HBZ: variants seen among roughly 807,000 people sequenced by gnomAD.
The protein encoded by HBZ is hemoglobin subunit zeta, also known as hemoglobin zeta chain.
Under a neutral mutation model 5.8 loss-of-function variants are expected in HBZ, and 2 were observed. The observed-to-expected ratio is 0.34, with a 90% CI of 0.14 to 1.09. The LOEUF (loss-of-function observed/expected upper bound fraction) is 1.09. HBZ is among the 50% of genes least tolerant of loss of function. The pLI is 0.42. For synonymous variants in HBZ, 39 were observed against 47.4 expected, an observed-to-expected ratio of 0.82 and a Z score of 0.73; for missense variants, 47 against 97.8, an observed-to-expected ratio of 0.48 and a Z score of 2.19.
Position 152,694 on chromosome 16 carries a change from T to C in HBZ, c.-216T>C, listed in dbSNP as rs915364934. The C allele has an allele frequency of 1.3e-6, 1 of 778,408 alleles. No homozygotes were observed. The highest frequency in any genetic ancestry group is 2.0e-6 in the Non-Finnish European group (1 of 506,656). The allele number at this position is 778,408 out of a possible 1,614,324, so 48.2% of individuals were successfully genotyped here. A position where few individuals can be genotyped will look rare whatever the true frequency, so the allele number is the denominator to read the frequency against. On this transcript the variant is annotated 5_prime_UTR_variant, in exon 1 of 3. Transcript: ENST00000252951. ...GGCCACAGGAGAGGAACAGGAGTGA[T>C]AGCCCCCAAACCCCAGTCCCACCAG...
In HBZ at chr16:154,317, G is replaced by C. The variant is rs1421676987; in HGVS notation, c.346G>C (p.Ala116Pro). ...GGTCACCCTGGCCGCGCGCTTCCCC[G>C]CCGACTTCACGGCCGAGGCCCACGC... The part of the protein sequence containing the change: ...LLVTLAARFP[A>P]DFTAEAHAAW... The change falls in exon 3 of 3, where the codon GCC (alanine) becomes CCC (proline). Residue 116 changes from alanine (A) to proline (P), a missense_variant. Physicochemically the swap from Ala to Pro is conservative, Grantham distance 27. Transcript: ENST00000252951. 5.0e-6 allele frequency: 7 copies of C among 1,398,248 alleles called. No homozygotes were observed. The African/African-American group carries it at 1.1e-4, about 21-fold the overall frequency. 86.6% of individuals were successfully genotyped at this position (1,398,248 alleles called of 1,614,324 possible). A position where few individuals can be genotyped will look rare whatever the true frequency, so the allele number is the denominator to read the frequency against.
intron 1 of HBZ, 128 bp downstream of exon 1, chr16:153,132 G>T (rs1359052569): frequency 1.7e-6 from 1 of 571,484 alleles, no homozygotes; most frequent in Non-Finnish European, 2.9e-6. Flanking sequence ...AGTGGGGAGG[G>T]CACTGTGGGG....
rs763421883 is a variant in HBZ, at chr16:152,995, C to T, written c.86C>T (p.Thr29Ile). The change falls in exon 1 of 3, where the codon ACT becomes ATT. Residue 29 changes from threonine to isoleucine, a missense_variant. Thr to Ile is a moderately conservative substitution (Grantham distance 89). This residue lies in a region of HBZ where 29 missense variants were observed against 39.7 expected (regional missense o/e 0.73). Coordinates refer to ENST00000252951, the MANE Select transcript of HBZ (RefSeq NM_005332.3). ...STQADTIGTE[T>I]LERLFLSHPQ... ...CAGGCCGACACCATCGGCACCGAGA[C>T]TCTGGAGAGGTGAGTGTCAGACGGG... 5 of 1,605,572 alleles carry T rather than the reference C, an allele frequency of 3.1e-6. No homozygotes were observed. Among genetic ancestry groups the T allele is most frequent in the African/African-American group, 1.3e-5 (1 of 74,652 alleles).
rs1901680757 is a variant in HBZ at position 154,475 on chromosome 16, C to G, written c.*75C>G. ...GGAGGTTCCCCAGCCCCACTTACCG[C>G]GTAATGCGCCAATAAACCAATGAAC... On this transcript the variant is annotated 3_prime_UTR_variant, in exon 3 of 3. Coordinates refer to ENST00000252951, the MANE Select transcript of HBZ (RefSeq NM_005332.3). 9.9e-7 allele frequency: 1 copy of G among 1,006,382 alleles called. No homozygotes were observed. Among genetic ancestry groups the G allele is most frequent in the Admixed American group, 2.9e-5 (1 of 34,864 alleles). The allele number at this position is 1,006,382 out of a possible 1,614,324, so 62.3% of individuals were successfully genotyped here.
chr16:153,090 GGACAGTGGGGAGGGGACCATGGAGAGGA>G, intron 1 of HBZ, 86 bp downstream of exon 1: 1 of 721,370 alleles, frequency 1.4e-6, no homozygotes, highest in Non-Finnish European at 2.3e-6. Flanking sequence ...GGTGGGGAGG[GGACAGTGGGGAGGGGACCATGGAGAGGA>G]GACAGTGGGG....
At position 152,909 on chromosome 16, in the gene HBZ, C is replaced by T; in HGVS notation, c.-1C>T. ...CCAGTGCAGCTGCCCACCCTGCCGC[C>T]ATGTCTCTGACCAAGACTGAGAGGA... On this transcript the variant is annotated 5_prime_UTR_variant, in exon 1 of 3. Coordinates refer to ENST00000252951, the MANE Select transcript of HBZ (RefSeq NM_005332.3). 1 of 1,612,596 alleles carries T rather than the reference C, an allele frequency of 6.2e-7. No homozygotes were observed. Among genetic ancestry groups the T allele is most frequent in the East Asian group, 2.2e-5 (1 of 44,874 alleles).
Position 154,499 on chromosome 16 carries a change from A to C in HBZ, c.*99A>C. 4.4e-5 allele frequency: 35 copies of C among 791,354 alleles called. No individual in the cohort carries two copies. Among genetic ancestry groups the C allele is most frequent in the Non-Finnish European group, 5.6e-5 (31 of 553,104 alleles). 49.0% of individuals were successfully genotyped at this position (791,354 alleles called of 1,614,324 possible). On this transcript the variant is annotated 3_prime_UTR_variant, in exon 3 of 3. Transcript: ENST00000252951. ...GCGTAATGCGCCAATAAACCAATGA[A>C]CGAAGCAGCGTCCACCTGGTCTCTG...
chr16:152,696 GC>G lies in HBZ; in HGVS notation c.-209del. The G allele has an allele frequency of 6.3e-6, 5 of 797,318 alleles. No individual in the cohort carries two copies. 49.4% of individuals were successfully genotyped at this position (797,318 alleles called of 1,614,324 possible). A position where few individuals can be genotyped will look rare whatever the true frequency, so the allele number is the denominator to read the frequency against. On this transcript the variant is annotated 5_prime_UTR_variant, in exon 1 of 3. Coordinates refer to ENST00000252951, the MANE Select transcript of HBZ (RefSeq NM_005332.3). ...CCACAGGAGAGGAACAGGAGTGATA[GC>G]CCCCAAACCCCAGTCCCACCAGGCC... is the stretch of plus-strand genomic sequence containing the variant.
Position 152,686 on chromosome 16 carries a change from A to T in HBZ, c.-224A>T. 1.4e-6 allele frequency: 1 copy of T among 724,190 alleles called. No individual in the cohort carries two copies. The highest frequency in any genetic ancestry group is 2.2e-6 in the Non-Finnish European group (1 of 458,378). The allele number at this position is 724,190 out of a possible 1,614,324, so 44.9% of individuals were successfully genotyped here. On this transcript the variant is annotated 5_prime_UTR_variant, in exon 1 of 3. Coordinates refer to ENST00000252951, the MANE Select transcript of HBZ (RefSeq NM_005332.3). ...CCCTGTAAGGCCACAGGAGAGGAAC[A>T]GGAGTGATAGCCCCCAAACCCCAGT...
Position 152,999 on chromosome 16 carries a change from G to A in HBZ, c.90G>A (p.Leu30=). The change falls in exon 1 of 3, where the codon CTG becomes CTA. Residue 30 remains leucine, a synonymous_variant. Transcript: ENST00000252951. The part of the protein sequence containing the change: ...TQADTIGTET[L]ERLFLSHPQT... Reference sequence around the variant, plus strand: ...CCGACACCATCGGCACCGAGACTCTGGAGAGGTGAGTGTCAGACGGGACTG... The same window carrying A: ...CCGACACCATCGGCACCGAGACTCTAGAGAGGTGAGTGTCAGACGGGACTG... 1 of 1,609,164 alleles carries A rather than the reference G, an allele frequency of 6.2e-7. No homozygotes were observed. Among genetic ancestry groups the A allele is most frequent in the Non-Finnish European group, 8.5e-7 (1 of 1,177,946 alleles).
chr16:154,427 G>C lies in HBZ; in HGVS notation c.*27G>C, dbSNP rs1467602307. 7.0e-6 allele frequency: 10 copies of C among 1,437,770 alleles called. No homozygotes were observed. Among genetic ancestry groups the C allele is most frequent in the African/African-American group, 1.5e-5 (1 of 68,802 alleles). 89.1% of individuals were successfully genotyped at this position (1,437,770 alleles called of 1,614,324 possible). On this transcript the variant is annotated 3_prime_UTR_variant, in exon 3 of 3. Coordinates refer to ENST00000252951, the MANE Select transcript of HBZ (RefSeq NM_005332.3). ...CGCCGCCTCCGGGACCCCCAGGACA[G>C]GCTGCGGCCCCTCCCCCGTCCTGGA...
In HBZ at chr16:152,918, G is replaced by A; in HGVS notation, c.9G>A (p.Leu3=). The change falls in exon 1 of 3, where the codon CTG becomes CTA. Residue 3 remains leucine, a synonymous_variant. Coordinates refer to ENST00000252951, the MANE Select transcript of HBZ (RefSeq NM_005332.3). ...CTGCCCACCCTGCCGCCATGTCTCT[G>A]ACCAAGACTGAGAGGACCATCATTG... is the stretch of plus-strand genomic sequence containing the variant. MS[L]TKTERTIIVS... 6.2e-7 allele frequency: 1 copy of A among 1,612,618 alleles called. No individual in the cohort carries two copies. Among genetic ancestry groups the A allele is most frequent in the Non-Finnish European group, 8.5e-7 (1 of 1,179,638 alleles).
At chr16:154,117 G>A in intron 2 of HBZ, 21 bp downstream of exon 2, 1 of 186,636 alleles carries the variant, frequency 5.4e-6, no homozygotes. Context: ...CGCGGTGCGG[G>A]CGGGGCGGGA....
At chr16:153,627 G>A (rs1164577171) in intron 1 of HBZ, among the ~76,000 whole-genome samples, 2 of 8,222 alleles carry the variant, frequency 2.4e-4, no homozygotes, top group African/African-American at 8.7e-4. Flanking sequence ...TGCTGGAGGC[G>A]GAGGGCGGGA....
chr16:153,030 G>C, intron 1 of HBZ, 26 bp downstream of exon 1: 1 of 1,559,680 alleles, frequency 6.4e-7, no homozygotes, highest in Non-Finnish European at 8.8e-7. Flanking sequence ...GACTGCCAGA[G>C]GGACTGGGTG....
chr16:154,419 C>G lies in HBZ; in HGVS notation c.*19C>G, dbSNP rs752296813. ...CCGCTGAGCGCCGCCTCCGGGACCC[C>G]CAGGACAGGCTGCGGCCCCTCCCCC... On this transcript the variant is annotated 3_prime_UTR_variant, in exon 3 of 3. Transcript: ENST00000252951. The G allele has an allele frequency of 3.1e-5, 45 of 1,463,190 alleles. 1 individual carries two copies. The highest frequency in any genetic ancestry group is 3.5e-4 in the Middle Eastern group (2 of 5,634). 90.6% of individuals were successfully genotyped at this position (1,463,190 alleles called of 1,614,324 possible). A position where few individuals can be genotyped will look rare whatever the true frequency, so the allele number is the denominator to read the frequency against.
At chr16:153,153 G>A (rs12931817) in intron 1 of HBZ, 149 bp downstream of exon 1, 11,551 of 353,308 alleles carry the variant, frequency 0.033, 99 homozygotes, top group East Asian at 0.053. Context: ...AGAGGACAGT[G>A]AGGAGGGGAC....
In HBZ at chr16:154,462, GC is replaced by G; in HGVS notation, c.*66del. The stretch of plus-strand genomic sequence containing the variant: ...CCTCCCCCGTCCTGGAGGTTCCCCA[GC>G]CCCACTTACCGCGTAATGCGCCAAT... On this transcript the variant is annotated 3_prime_UTR_variant, in exon 3 of 3. Coordinates refer to ENST00000252951, the MANE Select transcript of HBZ (RefSeq NM_005332.3). 1 of 1,185,866 alleles carries G rather than the reference GC, an allele frequency of 8.4e-7. No individual in the cohort carries two copies. Among genetic ancestry groups the G allele is most frequent in the South Asian group, 1.7e-5 (1 of 59,108 alleles). 73.5% of individuals were successfully genotyped at this position (1,185,866 alleles called of 1,614,324 possible). A position where few individuals can be genotyped will look rare whatever the true frequency, so the allele number is the denominator to read the frequency against.
In HBZ at chr16:153,005, G is replaced by C; in HGVS notation, c.95+1G>C. 1.3e-6 allele frequency: 2 copies of C among 1,592,960 alleles called. No homozygotes were observed. The highest frequency in any genetic ancestry group is 1.7e-6 in the Non-Finnish European group (2 of 1,167,508). Reference sequence around the variant, plus strand: ...CCATCGGCACCGAGACTCTGGAGAGGTGAGTGTCAGACGGGACTGCCAGAG... The same window carrying C: ...CCATCGGCACCGAGACTCTGGAGAGCTGAGTGTCAGACGGGACTGCCAGAG... On this transcript the variant is annotated splice_donor_variant, in intron 1 of 2. Coordinates refer to ENST00000252951, the MANE Select transcript of HBZ (RefSeq NM_005332.3). LOFTEE classifies it high-confidence loss of function.
Sources: gnomAD v4.1 joint callset for allele counts (sites outside exome capture counted in the v4.1 genomes callset) on GRCh38, gnomAD v4.1.1 for gene constraint, gnomAD v4.1.1 regional missense constraint, MANE v1.5 for transcripts, NCBI Gene and HGNC (gene_info 2026-07-23, HGNC 2026-07-21) for gene names.